Variants in EPHA8 observed in about 807,000 individuals in gnomAD.
EPHA8 encodes the protein EPH receptor A8, also known as ephrin type-A receptor 8.
EPHA8 carries 58 observed loss-of-function variants against 103.6 expected under a neutral mutation model. That is an observed-to-expected ratio of 0.56 (90% CI 0.45 to 0.70). The LOEUF (loss-of-function observed/expected upper bound fraction) is 0.70. Ranked by LOEUF, EPHA8 falls within the 30% of genes least tolerant of loss-of-function variation. EPHA8 has a pLI of 0.00. For missense variants in EPHA8, 1,304 were observed against 1,395.2 expected (o/e 0.93, Z 1.04); for synonymous variants, 559 against 572.5 (o/e 0.98, Z 0.34).
In EPHA8 at chr1:22,601,384, G is replaced by A. The variant is rs776224376; in HGVS notation, c.2814G>A (p.Trp938Ter). Residue 938 changes from tryptophan to a stop codon, truncating the protein, a stop_gained, in exon 16 of 17, where the codon TGG (tryptophan) becomes TGA (stop). Transcript: ENST00000166244. LOFTEE classifies it high-confidence loss of function. ...GGGGGLTVGD[W>*]LDSIRMGRYR... ...GTGGGGGCCTCACCGTGGGGGACTG[G>A]CTGGACTCCATCCGCATGGGCCGGT... is the stretch of plus-strand genomic sequence containing the variant. The A allele has an allele frequency of 1.2e-6, 2 of 1,611,316 alleles. No homozygotes were observed. The highest frequency in any genetic ancestry group is 1.7e-6 in the Non-Finnish European group (2 of 1,179,666).
chr1:22,571,919 C>G (rs1417511055), intron 2 of EPHA8, among the ~76,000 whole-genome samples: 1 of 152,082 alleles, frequency 6.6e-6, no homozygotes, highest in African/African-American at 2.4e-5. Flanking sequence ...CGCTTGTGGT[C>G]CCCGCTACTC....
chr1:22,599,602 A>AGAGG (rs747362412), intron 13 of EPHA8, among the ~76,000 whole-genome samples: 3 of 125,010 alleles, frequency 2.4e-5, no homozygotes, highest in South Asian at 2.9e-4. Context: ...GGGAGTGGAG[A>AGAGG]GAGGGAGGGA....
chr1:22,601,479 T>C lies in EPHA8; in HGVS notation c.2903+6T>C, dbSNP rs1641729283. Reference sequence around the variant, plus strand: ...GTGCTACGCATGAACGCCCAGTGAGTGATGGGTGGGGCTGGGGCCCCATGC... The same window carrying C: ...GTGCTACGCATGAACGCCCAGTGAGCGATGGGTGGGGCTGGGGCCCCATGC... On this transcript the variant is annotated splice_donor_region_variant and intron_variant, in intron 16 of 16. Coordinates refer to ENST00000166244, the MANE Select transcript of EPHA8 (RefSeq NM_020526.5). 1.0e-5 allele frequency: 16 copies of C among 1,603,832 alleles called. No individual in the cohort carries two copies. Among genetic ancestry groups the C allele is most frequent in the Non-Finnish European group, 1.4e-5 (16 of 1,178,138 alleles).
At chr1:22,585,974 CT>C (rs1641193135) in intron 3 of EPHA8, among the ~76,000 whole-genome samples, 1 of 152,156 alleles carries the variant, frequency 6.6e-6, no homozygotes, top group Admixed American at 6.5e-5. Flanking sequence ...TGTCCCCCCC[CT>C]TTCTAGTCGC....
intron 1 of EPHA8, among the ~76,000 whole-genome samples, chr1:22,568,684 C>T (rs977329397): frequency 2.6e-5 from 4 of 152,256 alleles, no homozygotes; most frequent in African/African-American, 9.6e-5. Flanking sequence ...CCCTCCACAC[C>T]AGATGTGCAC....
At position 22,597,726 on chromosome 1, in the gene EPHA8, G is replaced by C. The variant is rs772805814; in HGVS notation, c.1981G>C (p.Asp661His). 4 of 1,612,948 alleles carry C rather than the reference G, an allele frequency of 2.5e-6. No individual in the cohort carries two copies. The South Asian group carries it at 4.4e-5, about 18-fold the overall frequency. ...GAGGCTGCGGGTGCCAGGGCAGCGG[G>C]ATGTGCCCGTGGCCATCAAGGCCCT... ...YGRLRVPGQRDVPVAIKALKA... is the reference protein window; with the variant it reads ...YGRLRVPGQRHVPVAIKALKA... The change falls in exon 11 of 17, where the codon GAT (aspartate) becomes CAT (histidine). Residue 661 changes from aspartate (D) to histidine (H), a missense_variant. Asp to His is a moderately conservative substitution (Grantham distance 81, BLOSUM62 -1). Coordinates refer to ENST00000166244, the MANE Select transcript of EPHA8 (RefSeq NM_020526.5). This position sits in a 1 kb window ranked among gnomAD's most constrained non-coding sequence, Gnocchi z 4.6.
rs1641487657 is a variant in EPHA8, at chr1:22,595,304, C to T, written c.1678C>T (p.Leu560=). ...CACGGGCCTGGTGGTGCTTCTGCTCCTGCTCATCTGCAAGAAGAGGTGGGT... is the reference window on the plus strand; with the variant it reads ...CACGGGCCTGGTGGTGCTTCTGCTCTTGCTCATCTGCAAGAAGAGGTGGGT... The part of the protein sequence containing the change: ...LITGLVVLLL[L]LICKKRHCGY... Residue 560 remains leucine, a synonymous_variant, in exon 8 of 17, where the codon CTG becomes TTG. Transcript: ENST00000166244. 1 of 1,613,658 alleles carries T rather than the reference C, an allele frequency of 6.2e-7. No homozygotes were observed. The highest frequency in any genetic ancestry group is 1.1e-5 in the South Asian group (1 of 90,976).
At chr1:22,600,590 C>G (rs1278613235) in intron 13 of EPHA8, 71 bp from the exon 14 acceptor site, 1 of 1,579,808 alleles carries the variant, frequency 6.3e-7, no homozygotes, top group Non-Finnish European at 8.6e-7. Context: ...GTTTAGCTCT[C>G]TGACTCAGAC....
intron 3 of EPHA8, among the ~76,000 whole-genome samples, chr1:22,583,066 C>T (rs1431843770): frequency 6.6e-6 from 1 of 152,238 alleles, no homozygotes; most frequent in East Asian, 1.9e-4. Flanking sequence ...AGAGAGGTGG[C>T]CAGGGCCACA....
chr1:22,598,981 C>T lies in EPHA8; in HGVS notation c.2322C>T (p.Cys774=), dbSNP rs1198462937. The part of the protein sequence containing the change: ...RNVLVDSNLV[C]KVSDFGLSRV... Reference sequence around the variant, plus strand: ...TCCTGGTTGACAGCAACCTGGTCTGCAAGGTGTCTGACTTCGGGCTCTCAC... The same window carrying T: ...TCCTGGTTGACAGCAACCTGGTCTGTAAGGTGTCTGACTTCGGGCTCTCAC... Residue 774 remains cysteine, a synonymous_variant, in exon 13 of 17, where the codon TGC becomes TGT. Transcript: ENST00000166244. This position sits in a 1 kb window ranked among gnomAD's most constrained non-coding sequence, Gnocchi z 5.1. 1 of 1,612,278 alleles carries T rather than the reference C, an allele frequency of 6.2e-7. No individual in the cohort carries two copies. Among genetic ancestry groups the T allele is most frequent in the African/African-American group, 1.3e-5 (1 of 74,824 alleles).
intron 1 of EPHA8, among the ~76,000 whole-genome samples, chr1:22,564,369 G>A (rs1322776550): frequency 6.6e-6 from 1 of 151,428 alleles, no homozygotes; most frequent in Non-Finnish European, 1.5e-5. Context: ...AGAAGGGAGG[G>A]CAGGGGAGTT....
In EPHA8 at chr1:22,589,293, G is replaced by A; in HGVS notation, c.1315+87G>A. On this transcript the variant is annotated intron_variant, in intron 5 of 16. Transcript: ENST00000166244. The surrounding 1 kb of genome is among the most constrained non-coding windows in gnomAD (Gnocchi z 4.3). The stretch of plus-strand genomic sequence containing the variant: ...ATCCAGGGATCAGAGCTCTGCCGGG[G>A]ACGTGCTGTGGGCCTTTAGGCAAGT... 1.2e-6 allele frequency: 2 copies of A among 1,613,142 alleles called. No homozygotes were observed. Among genetic ancestry groups the A allele is most frequent in the Non-Finnish European group, 1.7e-6 (2 of 1,179,850 alleles).
At position 22,598,897 on chromosome 1, in the gene EPHA8, C is replaced by T. The variant is rs560800908; in HGVS notation, c.2238C>T (p.Ala746=). ...TGGGCATGCTGAGAGGAGTGGGTGC[C>T]GGCATGCGCTACCTCTCAGACCTGG... ...QLVGMLRGVG[A]GMRYLSDLGY... is the part of the protein sequence containing the mutation. Residue 746 remains alanine (A), a synonymous_variant, in exon 13 of 17, where the codon GCC becomes GCT. Coordinates refer to ENST00000166244, the MANE Select transcript of EPHA8 (RefSeq NM_020526.5). This position sits in a 1 kb window ranked among gnomAD's most constrained non-coding sequence, Gnocchi z 5.1. The T allele has an allele frequency of 8.4e-5, 136 of 1,613,002 alleles. No individual in the cohort carries two copies. In the Middle Eastern group the frequency reaches 9.9e-4, roughly 12 times the overall value.
intron 2 of EPHA8, among the ~76,000 whole-genome samples, chr1:22,570,494 A>AT (rs1640508131): frequency 1.3e-5 from 2 of 151,068 alleles, no homozygotes; most frequent in African/African-American, 2.5e-5. Flanking sequence ...TGAGGACAGA[A>AT]GAATAATAAT....
Position 22,601,455 on chromosome 1 carries a change from T to A in EPHA8, c.2885T>A (p.Val962Glu). The change falls in exon 16 of 17, where the codon GTG (valine) becomes GAG (glutamate). Residue 962 changes from valine to glutamate, a missense_variant. Physicochemically the swap from Val to Glu is moderately radical, Grantham distance 121. Transcript: ENST00000166244. The stretch of plus-strand genomic sequence containing the variant: ...GGCGGATACTCCTCTCTGGGCATGG[T>A]GCTACGCATGAACGCCCAGTGAGTG... ...AAGGYSSLGM[V>E]LRMNAQDVRA... The A allele has an allele frequency of 6.2e-7, 1 of 1,609,424 alleles. No individual in the cohort carries two copies.
intron 3 of EPHA8, among the ~76,000 whole-genome samples, chr1:22,585,054 C>CGTGT (rs1641161705): frequency 2.5e-5 from 2 of 80,164 alleles, no homozygotes; most frequent in African/African-American, 2.2e-4. Context: ...TGTGTGTGCG[C>CGTGT]ACGCGTGTGT....
Position 22,597,242 on chromosome 1 carries a change from A to C in EPHA8, c.1766-70A>C. 8.2e-7 allele frequency: 1 copy of C among 1,219,878 alleles called. No homozygotes were observed. The highest frequency in any genetic ancestry group is 1.1e-6 in the Non-Finnish European group (1 of 874,254). 75.6% of individuals were successfully genotyped at this position (1,219,878 alleles called of 1,614,324 possible). A position where few individuals can be genotyped will look rare whatever the true frequency, so the allele number is the denominator to read the frequency against. On this transcript the variant is annotated intron_variant, in intron 9 of 16. Coordinates refer to ENST00000166244, the MANE Select transcript of EPHA8 (RefSeq NM_020526.5). This position sits in a 1 kb window ranked among gnomAD's most constrained non-coding sequence, Gnocchi z 4.6. ...CCTCACCCCACCCCAGACCCATCCC[A>C]GGCCCAGGGAATGTCAGGAAAAAGC...
intron 8 of EPHA8, among the ~76,000 whole-genome samples, 162 bp from the exon 9 acceptor site, chr1:22,595,944 C>T (rs71638848): frequency 1.3e-5 from 2 of 152,140 alleles, no homozygotes; most frequent in Non-Finnish European, 2.9e-5. Context: ...GGGTTGAGAG[C>T]CTGGAGTCAG....
chr1:22,603,029 A>T lies in EPHA8; in HGVS notation c.*1288A>T, dbSNP rs1005786788. On this transcript the variant is annotated 3_prime_UTR_variant, in exon 17 of 17. Coordinates refer to ENST00000166244, the MANE Select transcript of EPHA8 (RefSeq NM_020526.5). ...TTTTTCCTCACTCCTGACAATGCAA[A>T]AATGGTCTTCAAAGCACATAAAAAG... The T allele has an allele frequency of 6.6e-6, 1 of 152,540 alleles. No individual in the cohort carries two copies. The highest frequency in any genetic ancestry group is 2.4e-5 in the African/African-American group (1 of 41,414). The allele number at this position is 152,540 out of a possible 1,614,324, so 9.4% of individuals were successfully genotyped here.
Sources: allele counts gnomAD v4.1 joint callset (sites outside exome capture counted in the v4.1 genomes callset), GRCh38; gene constraint gnomAD v4.1.1; non-coding constraint Gnocchi (gnomAD v3.1); transcripts MANE v1.5; gene names NCBI Gene and HGNC (gene_info 2026-07-23, HGNC 2026-07-21).